The following UBE3C variants were observed in gnomAD, a reference collection of about 807,000 sequenced individuals.
The protein encoded by UBE3C is ubiquitin protein ligase E3C.
In UBE3C, 42 loss-of-function variants were observed where a neutral mutation model predicts 129.4. The observed-to-expected ratio is 0.32, with a 90% CI of 0.25 to 0.42. The LOEUF (loss-of-function observed/expected upper bound fraction) is 0.42. UBE3C is among the 10% of genes least tolerant of loss of function. The pLI is 1.00. For missense variants in UBE3C, 1,049 were observed against 1,319.1 expected, an observed-to-expected ratio of 0.80 and a Z score of 3.17; for synonymous variants, 510 against 492.4, an observed-to-expected ratio of 1.04 and a Z score of -0.47.
chr7:157,241,119 A>G (rs1408694021), intron 18 of UBE3C, among the ~76,000 whole-genome samples: 3 of 152,124 alleles, frequency 2.0e-5, no homozygotes, highest in African/African-American at 4.8e-5. Context: ...CCGGTGGTTC[A>G]AGGGTGCAAA....
chr7:157,142,913 C>G (rs1281733712), intron 1 of UBE3C, among the ~76,000 whole-genome samples: 1 of 150,672 alleles, frequency 6.6e-6, no homozygotes, highest in Non-Finnish European at 1.5e-5. Flanking sequence ...GTTGCCCAGG[C>G]TGGAGTGCAA....
At chr7:157,200,815 C>A (rs1809259019) in intron 10 of UBE3C, among the ~76,000 whole-genome samples, 2 of 152,020 alleles carry the variant, frequency 1.3e-5, no homozygotes, top group African/African-American at 4.8e-5. Context: ...GAGGTCTCAC[C>A]ACATTGCCCA....
At chr7:157,221,479 C>T (rs187772691) in intron 15 of UBE3C, 8 of 152,314 alleles carry the variant, frequency 5.3e-5, no homozygotes, top group East Asian at 1.9e-4. Flanking sequence ...TGGTGGCTCT[C>T]GCCTGTAATC....
intron 13 of UBE3C, among the ~76,000 whole-genome samples, chr7:157,213,510 C>T (rs1310226945): frequency 1.3e-5 from 2 of 152,234 alleles, no homozygotes. Context: ...CATTTAGTCA[C>T]TTTATGTGAT....
intron 1 of UBE3C, among the ~76,000 whole-genome samples, chr7:157,161,386 G>A (rs1808066128): frequency 6.6e-6 from 1 of 151,824 alleles, no homozygotes; most frequent in African/African-American, 2.4e-5. Flanking sequence ...TTGGACATGT[G>A]ATGAAGGTTT....
chr7:157,207,913 A>G lies in UBE3C; in HGVS notation c.1787A>G (p.Lys596Arg). Residue 596 changes from lysine (K) to arginine (R), a missense_variant, in exon 13 of 23, where the codon AAA becomes AGA. Coordinates refer to ENST00000348165, the MANE Select transcript of UBE3C (RefSeq NM_014671.3). ...EMQQCIQMEQ[K>R]RWIQLFKVIT... ...CAACAATGCATACAGATGGAACAGA[A>G]AAGATGGATTCAGTTATTTAAGGTA... The G allele has an allele frequency of 5.0e-6, 8 of 1,596,530 alleles. No homozygotes were observed. The highest frequency in any genetic ancestry group is 6.8e-6 in the Non-Finnish European group (8 of 1,173,166).
At chr7:157,211,872 T>C (rs1431390468) in intron 13 of UBE3C, among the ~76,000 whole-genome samples, 2 of 152,146 alleles carry the variant, frequency 1.3e-5, no homozygotes, top group African/African-American at 4.8e-5. Context: ...TGCATTCAGC[T>C]AATGACAGTG....
intron 4 of UBE3C, among the ~76,000 whole-genome samples, chr7:157,172,381 A>G (rs1453643813): frequency 1.3e-5 from 2 of 152,216 alleles, no homozygotes; most frequent in Admixed American, 6.5e-5. Flanking sequence ...TATCTGTGTT[A>G]AAAATTTCAA....
chr7:157,213,397 C>T (rs966156558), intron 13 of UBE3C, among the ~76,000 whole-genome samples: 7 of 152,226 alleles, frequency 4.6e-5, no homozygotes, highest in Admixed American at 6.5e-5. Flanking sequence ...TCAGTGATGG[C>T]GGCACGCCTG....
chr7:157,161,599 C>T (rs1808072658), intron 1 of UBE3C, among the ~76,000 whole-genome samples: 1 of 152,012 alleles, frequency 6.6e-6, no homozygotes, highest in South Asian at 2.1e-4. Flanking sequence ...TGCAGGCATG[C>T]ACCACCATGC....
At chr7:157,238,815 G>T (rs149740463) in intron 18 of UBE3C, among the ~76,000 whole-genome samples, 13 of 152,284 alleles carry the variant, frequency 8.5e-5, no homozygotes, top group African/African-American at 3.1e-4. Context: ...AGAGAGTAGA[G>T]AATTGACTAA....
Position 157,144,539 on chromosome 7 carries a change from G to A in UBE3C, c.66+5201G>A, listed in dbSNP as rs549841945. Among the ~76,000 whole-genome samples the A allele has an allele frequency of 1.1e-4, 17 of 152,168 alleles. No homozygotes were observed. In the East Asian group the frequency reaches 3.3e-3, roughly 29 times the overall value. On this transcript the variant is annotated intron_variant, in intron 1 of 22. Coordinates refer to ENST00000348165, the MANE Select transcript of UBE3C (RefSeq NM_014671.3). The stretch of plus-strand genomic sequence containing the variant: ...GAGAACTGAGTGGGAGCAGGCAATG[G>A]GAAATATTTTGAGACTTAAAGAAGC...
intron 22 of UBE3C, among the ~76,000 whole-genome samples, chr7:157,258,299 T>C (rs1425536957): frequency 6.6e-6 from 1 of 152,024 alleles, no homozygotes; most frequent in Non-Finnish European, 1.5e-5. Flanking sequence ...TCCTGCACAC[T>C]CATGTAGTCC....
Position 157,220,756 on chromosome 7 carries a change from C to G in UBE3C, c.1982C>G (p.Pro661Arg). The G allele has an allele frequency of 7.4e-6, 12 of 1,614,148 alleles. No individual in the cohort carries two copies. The highest frequency in any genetic ancestry group is 8.5e-6 in the Non-Finnish European group (10 of 1,179,994). ...TTCCGGCGGATGGGGAGGATAGGCC[C>G]GCTGCAGTCCACCCTGGACGGTGAG... is the stretch of plus-strand genomic sequence containing the variant. ...WRFRRMGRIG[P>R]LQSTLDVGLE... The change falls in exon 15 of 23, where the codon CCG becomes CGG. Residue 661 changes from proline to arginine, a missense_variant. By Grantham distance (103) the Pro-to-Arg change is moderately radical. Around this residue, in one of 4 missense-constraint regions of UBE3C, gnomAD observed 314 missense variants for 416.9 expected, o/e 0.75. Coordinates refer to ENST00000348165, the MANE Select transcript of UBE3C (RefSeq NM_014671.3).
intron 5 of UBE3C, among the ~76,000 whole-genome samples, chr7:157,176,919 G>A (rs970878170): frequency 6.6e-6 from 1 of 152,168 alleles, no homozygotes; most frequent in African/African-American, 2.4e-5. Context: ...TTAGTAAGTC[G>A]ACAGTCTTAT....
chr7:157,265,599 A>C (rs1797055052), intron 22 of UBE3C, among the ~76,000 whole-genome samples: 1 of 152,242 alleles, frequency 6.6e-6, no homozygotes, highest in Non-Finnish European at 1.5e-5. Context: ...GCGCGTGTGC[A>C]TGGAACACCA....
chr7:157,196,091 GAGAGATGTGGTAACAGAAGGGTCAT>G (rs555982509), intron 10 of UBE3C, among the ~76,000 whole-genome samples: 2,179 of 152,254 alleles, frequency 0.014, 30 homozygotes, highest in Middle Eastern at 0.024. Context: ...GGTGGTGTCA[GAGAGATGTGGTAACAGAAGGGTCAT>G]AGAGATGAAA....
intron 18 of UBE3C, among the ~76,000 whole-genome samples, chr7:157,246,628 C>T (rs551832681): frequency 6.6e-6 from 1 of 152,196 alleles, no homozygotes; most frequent in Non-Finnish European, 1.5e-5. Context: ...CAGCACAGCT[C>T]ATAGTAGTCA....
chr7:157,143,588 T>G (rs1807518837), intron 1 of UBE3C, among the ~76,000 whole-genome samples: 1 of 152,152 alleles, frequency 6.6e-6, no homozygotes, highest in Admixed American at 6.5e-5. Flanking sequence ...TTACCAGTTT[T>G]CAGGAGAGGA....
Sources: allele counts gnomAD v4.1 joint callset (sites outside exome capture counted in the v4.1 genomes callset), GRCh38; gene constraint gnomAD v4.1.1; regional missense constraint gnomAD v4.1.1; transcripts MANE v1.5; gene names NCBI Gene and HGNC (gene_info 2026-07-23, HGNC 2026-07-21).